Variants in USP35 observed in about 807,000 individuals in gnomAD.
USP35 encodes the protein ubiquitin specific peptidase 35.
Under a neutral mutation model 83.8 loss-of-function variants are expected in USP35, and 69 were observed. The observed-to-expected ratio is 0.82, with a 90% CI of 0.68 to 1.01. The LOEUF (loss-of-function observed/expected upper bound fraction) is 1.01. USP35 is among the 50% of genes least tolerant of loss of function. The probability of loss-of-function intolerance (pLI) is 0.00; values close to 1 mark genes in which losing one functional copy is unlikely to be tolerated. For missense variants in USP35, 1,503 were observed against 1,362.5 expected (o/e 1.10, Z -1.62); for synonymous variants, 714 against 589.5 (o/e 1.21, Z -3.06).
chr11:78,220,444 G>A, the USP35 span: 1 of 1,569,182 alleles, frequency 6.4e-7, no homozygotes, highest in Middle Eastern at 1.7e-4. Context: ...ACTGGGTTTT[G>A]CTGTCACGAG....
chr11:78,213,328 C>T (rs552300200), intron 10 of USP35, among the ~76,000 whole-genome samples: 17 of 152,204 alleles, frequency 1.1e-4, no homozygotes, highest in South Asian at 4.2e-4. Flanking sequence ...ATGAGGCCTG[C>T]GGACAGGTTC....
downstream of USP35, chr11:78,217,603 T>G (rs1565412495): frequency 6.6e-6 from 1 of 152,218 alleles, no homozygotes; most frequent in Non-Finnish European, 1.5e-5. Context: ...TCTGTCCTGT[T>G]GCTTCTGAAA....
rs541470559 is a variant in USP35, at chr11:78,205,976, C to G, written c.1332C>G (p.Ile444Met). Residue 444 changes from isoleucine (I) to methionine (M), a missense_variant, in exon 7 of 11, where the codon ATC becomes ATG. Coordinates refer to ENST00000529308, the MANE Select transcript of USP35 (RefSeq NM_020798.4). Reference protein sequence around the residue: ...AKSDTGKIGLINLGNTCYVNS... With the variant: ...AKSDTGKIGLMNLGNTCYVNS... ...CAGACACGGGCAAGATTGGTCTCAT[C>G]AACCTGGGCAACACATGCTATGTCA... is the stretch of plus-strand genomic sequence containing the variant. The G allele has an allele frequency of 6.2e-7, 1 of 1,614,270 alleles. No individual in the cohort carries two copies. Among genetic ancestry groups the G allele is most frequent in the South Asian group, 1.1e-5 (1 of 91,088 alleles).
At chr11:78,219,743 G>A (rs1433196800), downstream of USP35, among the ~76,000 whole-genome samples, 1 of 152,138 alleles carries the variant, frequency 6.6e-6, no homozygotes, top group Non-Finnish European at 1.5e-5. Context: ...CTGTCAGGTC[G>A]CTCATCCAGG....
rs748738592 is a variant in USP35 at position 78,213,756 on chromosome 11, AG to A, written c.3005del (p.Gly1002AlafsTer25). ...EDKDEDEGSP[G>X]GCNPAGGNGG... ...ACAAGGATGAGGATGAAGGCTCTCC[AG>A]GGGGCTGCAATCCTGCAGGTGGCAA... On this transcript the variant is annotated frameshift_variant, in exon 11 of 11. Coordinates refer to ENST00000529308, the MANE Select transcript of USP35 (RefSeq NM_020798.4). LOFTEE classifies it high-confidence loss of function. 1 of 1,543,824 alleles carries A rather than the reference AG, an allele frequency of 6.5e-7. No homozygotes were observed. Among genetic ancestry groups the A allele is most frequent in the South Asian group, 1.3e-5 (1 of 79,558 alleles).
intron 10 of USP35, among the ~76,000 whole-genome samples, chr11:78,211,717 T>C (rs1863784463): frequency 6.6e-6 from 1 of 152,252 alleles, no homozygotes; most frequent in African/African-American, 2.4e-5. Flanking sequence ...AATTTTTCTT[T>C]CGTACGTTTG....
At position 78,189,021 on chromosome 11, in the gene USP35, C is replaced by G; in HGVS notation, c.-147C>G. The stretch of plus-strand genomic sequence containing the variant: ...TTTGCAGTGGAAGCAGCATCTCTTC[C>G]GTCTGGGACCTGGCTGAGGGCGTCC... On this transcript the variant is annotated 5_prime_UTR_variant, in exon 1 of 11. Coordinates refer to ENST00000529308, the MANE Select transcript of USP35 (RefSeq NM_020798.4). 1 of 927,098 alleles carries G rather than the reference C, an allele frequency of 1.1e-6. No homozygotes were observed. The highest frequency in any genetic ancestry group is 1.3e-6 in the Non-Finnish European group (1 of 776,772). The allele number at this position is 927,098 out of a possible 1,614,324, so 57.4% of individuals were successfully genotyped here. A position where few individuals can be genotyped will look rare whatever the true frequency, so the allele number is the denominator to read the frequency against.
At position 78,195,402 on chromosome 11, in the gene USP35, A is replaced by G. The variant is rs182972504; in HGVS notation, c.-10-834A>G. 1.2e-4 allele frequency among the ~76,000 whole-genome samples: 18 copies of G among 152,270 alleles called. No homozygotes were observed. The East Asian group carries it at 2.3e-3, about 20-fold the overall frequency. On this transcript the variant is annotated intron_variant, in intron 1 of 10. Coordinates refer to ENST00000529308, the MANE Select transcript of USP35 (RefSeq NM_020798.4). ...AAGGCACAGCACACACACGAAGTGG[A>G]GTCTAGCCAAGGGGTAGGGGAAGGA...
At position 78,200,115 on chromosome 11, in the gene USP35, C is replaced by T; in HGVS notation, c.937-18C>T. On this transcript the variant is annotated intron_variant, in intron 4 of 10. Transcript: ENST00000529308. ...GCAGCTCAAGCCTGGGGACTCCTGA[C>T]CAGGGACTCTCTTGTAGGTTTTCTC... 6.2e-7 allele frequency: 1 copy of T among 1,613,968 alleles called. No individual in the cohort carries two copies. Among genetic ancestry groups the T allele is most frequent in the East Asian group, 2.2e-5 (1 of 44,878 alleles).
intron 6 of USP35, among the ~76,000 whole-genome samples, chr11:78,203,552 T>C (rs1863425944): frequency 6.6e-6 from 1 of 152,164 alleles, no homozygotes; most frequent in Non-Finnish European, 1.5e-5. Flanking sequence ...TATGTCGTAA[T>C]TATAAACATG....
intron 6 of USP35, among the ~76,000 whole-genome samples, chr11:78,203,489 C>T (rs1283976152): frequency 6.6e-6 from 1 of 152,194 alleles, no homozygotes; most frequent in East Asian, 1.9e-4. Context: ...AGTAGCCTGA[C>T]ATGAGCTCTG....
Position 78,214,768 on chromosome 11 carries a change from T to TTTTG in USP35, c.*955_*956insTTTG, listed in dbSNP as rs1864029996. On this transcript the variant is annotated 3_prime_UTR_variant, in exon 11 of 11. Transcript: ENST00000529308. The stretch of plus-strand genomic sequence containing the variant: ...TGGCCACTGGGTTTTGCTCACGGGG[T>TTTTG]CTGGGGAGGCCAGGACTCAGCCTGC... 1 of 150,808 alleles carries TTTTG rather than the reference T, an allele frequency of 6.6e-6. No individual in the cohort carries two copies. The highest frequency in any genetic ancestry group is 1.5e-5 in the Non-Finnish European group (1 of 68,058). The allele number at this position is 150,808 out of a possible 1,614,324, so 9.3% of individuals were successfully genotyped here.
chr11:78,210,385 G>A lies in USP35; in HGVS notation c.2530G>A (p.Ala844Thr). 6.2e-7 allele frequency: 1 copy of A among 1,613,740 alleles called. No individual in the cohort carries two copies. Among genetic ancestry groups the A allele is most frequent in the South Asian group, 1.1e-5 (1 of 91,086 alleles). The change falls in exon 10 of 11, where the codon GCC (alanine) becomes ACC (threonine). Residue 844 changes from alanine (A) to threonine (T), a missense_variant. Coordinates refer to ENST00000529308, the MANE Select transcript of USP35 (RefSeq NM_020798.4). ...GCCACTGGCTGGTGGCCGTGGCCAGGCCTATGACCTCTGCAGTGTGGTGGT... is the reference window on the plus strand; with the variant it reads ...GCCACTGGCTGGTGGCCGTGGCCAGACCTATGACCTCTGCAGTGTGGTGGT... Reference protein sequence around the residue: ...RLPLAGGRGQAYDLCSVVVHS... With the variant: ...RLPLAGGRGQTYDLCSVVVHS...
In USP35 at chr11:78,196,489, G is replaced by A. The variant is rs1236127127; in HGVS notation, c.244G>A (p.Ala82Thr). The part of the protein sequence containing the change: ...HPDVFAEFFS[A>T]RRVLRLLQGG... The stretch of plus-strand genomic sequence containing the variant: ...CGACGTCTTCGCCGAGTTCTTCAGC[G>A]CGCGTCGCGTGCTGCGCCTGCTGCA... Residue 82 changes from alanine (A) to threonine (T), a missense_variant, in exon 2 of 11, where the codon GCG becomes ACG. Ala to Thr is a moderately conservative substitution (Grantham distance 58). Coordinates refer to ENST00000529308, the MANE Select transcript of USP35 (RefSeq NM_020798.4). This position sits in a 1 kb window ranked among gnomAD's most constrained non-coding sequence, Gnocchi z 4.8. The A allele has an allele frequency of 8.1e-7, 1 of 1,233,300 alleles. No homozygotes were observed. Among genetic ancestry groups the A allele is most frequent in the South Asian group, 2.4e-5 (1 of 42,272 alleles). The allele number at this position is 1,233,300 out of a possible 1,614,324, so 76.4% of individuals were successfully genotyped here. A position where few individuals can be genotyped will look rare whatever the true frequency, so the allele number is the denominator to read the frequency against.
downstream of USP35, chr11:78,216,705 C>T (rs191425629): frequency 8.5e-5 from 13 of 152,382 alleles, no homozygotes; most frequent in Admixed American, 5.9e-4. Context: ...CCACTCACAT[C>T]ATGGCACACT....
chr11:78,212,311 TACC>T (rs1208503959), intron 10 of USP35, among the ~76,000 whole-genome samples: 1 of 152,044 alleles, frequency 6.6e-6, no homozygotes, highest in Admixed American at 6.5e-5. Context: ...TCTGTTTTTA[TACC>T]AGTACTATAC....
At position 78,209,492 on chromosome 11, in the gene USP35, T is replaced by C. The variant is rs1283090662; in HGVS notation, c.1637T>C (p.Leu546Pro). ...ACGGGCACAAGGATCTGCCAGAAAC[T>C]CAAGCAGTCCAGCTCGCCCTCTCCG... is the stretch of plus-strand genomic sequence containing the variant. ...EKTGTRICQK[L>P]KQSSSPSPPE... is the part of the protein sequence containing the mutation. Residue 546 changes from leucine to proline, a missense_variant, in exon 10 of 11, where the codon CTC (leucine) becomes CCC (proline). Coordinates refer to ENST00000529308, the MANE Select transcript of USP35 (RefSeq NM_020798.4). 7 of 1,613,046 alleles carry C rather than the reference T, an allele frequency of 4.3e-6. No individual in the cohort carries two copies. Among genetic ancestry groups the C allele is most frequent in the Non-Finnish European group, 5.9e-6 (7 of 1,179,416 alleles).
chr11:78,197,396 C>T (rs2137030046), intron 2 of USP35, among the ~76,000 whole-genome samples: 1 of 152,196 alleles, frequency 6.6e-6, no homozygotes, highest in African/African-American at 2.4e-5. Context: ...GTCTGCTATG[C>T]AGACTCAGAA....
chr11:78,210,894 A>G lies in USP35; in HGVS notation c.2889+150A>G, dbSNP rs1022731465. ...TGCTGGGTATATACTGGTGGCCCAG[A>G]CAGACCTAACCCCTTACTTCAAAGT... On this transcript the variant is annotated intron_variant, in intron 10 of 10. Coordinates refer to ENST00000529308, the MANE Select transcript of USP35 (RefSeq NM_020798.4). 88 of 752,350 alleles carry G rather than the reference A, an allele frequency of 1.2e-4. No individual in the cohort carries two copies. The African/African-American group carries it at 1.3e-3, about 11-fold the overall frequency. The allele number at this position is 752,350 out of a possible 1,614,324, so 46.6% of individuals were successfully genotyped here. A position where few individuals can be genotyped will look rare whatever the true frequency, so the allele number is the denominator to read the frequency against.
Sources: allele counts gnomAD v4.1 joint callset (sites outside exome capture counted in the v4.1 genomes callset), GRCh38; gene constraint gnomAD v4.1.1; non-coding constraint Gnocchi (gnomAD v3.1); transcripts MANE v1.5; gene names NCBI Gene and HGNC (gene_info 2026-07-23, HGNC 2026-07-21).